The following FCHSD1 variants were observed in gnomAD, a reference collection of about 807,000 sequenced individuals.
The protein encoded by FCHSD1 is F-BAR and double SH3 domains protein 1.
FCHSD1 carries 109 observed loss-of-function variants against 101.3 expected under a neutral mutation model. That is an observed-to-expected ratio of 1.08 (90% CI 0.92 to 1.26). The LOEUF is 1.26. FCHSD1 is among the 50% of genes most tolerant of loss of function. FCHSD1 has a pLI of 0.00. For synonymous variants in FCHSD1, 291 were observed against 356.8 expected, an observed-to-expected ratio of 0.82 and a Z score of 2.08; for missense variants, 820 against 895.8, an observed-to-expected ratio of 0.92 and a Z score of 1.08.
In FCHSD1 at chr5:141,647,465, T is replaced by G. The variant is rs1191042489; in HGVS notation, c.761A>C (p.His254Pro). 1.2e-6 allele frequency: 2 copies of G among 1,612,108 alleles called. No individual in the cohort carries two copies. Residue 254 changes from histidine (H) to proline (P), a missense_variant, in exon 9 of 20, where the codon CAC (histidine) becomes CCC (proline). His to Pro is a moderately conservative substitution (Grantham distance 77). Transcript: ENST00000435817. Reference sequence around the variant, plus strand: ...GACCTCTGCGGCTTCCAGCTCAGTGTGGCTCAGGGAGGTCAGGGGGTCCCT... The same window carrying G: ...GACCTCTGCGGCTTCCAGCTCAGTGGGGCTCAGGGAGGTCAGGGGGTCCCT... ...HLRDPLTSLS[H>P]TELEAAEVIL...
chr5:141,646,765 T>C (rs1294853821), intron 10 of FCHSD1, 43 bp from the exon 11 acceptor site: 1 of 1,597,474 alleles, frequency 6.3e-7, no homozygotes, highest in Admixed American at 1.7e-5. Flanking sequence ...CTGAGGCTGC[T>C]CCTTCTCTCC....
Position 141,639,315 on chromosome 5 carries a change from T to C in FCHSD1, c.*2183A>G. Reference sequence around the variant, plus strand: ...ACATATGGTCACTAACATCTTAATATTGAGTTTATTAGATAAAGACAAGAA... The same window carrying C: ...ACATATGGTCACTAACATCTTAATACTGAGTTTATTAGATAAAGACAAGAA... On this transcript the variant is annotated 3_prime_UTR_variant, in exon 20 of 20. Coordinates refer to ENST00000435817, the MANE Select transcript of FCHSD1 (RefSeq NM_033449.3). The surrounding 1 kb of genome is among the most constrained non-coding windows in gnomAD (Gnocchi z 4.4). The C allele has an allele frequency of 3.1e-6, 2 of 650,690 alleles. No homozygotes were observed. The highest frequency in any genetic ancestry group is 5.2e-6 in the Non-Finnish European group (2 of 384,108). The allele number at this position is 650,690 out of a possible 1,614,324, so 40.3% of individuals were successfully genotyped here. A position where few individuals can be genotyped will look rare whatever the true frequency, so the allele number is the denominator to read the frequency against.
chr5:141,647,830 AGT>A, intron 8 of FCHSD1, 136 bp downstream of exon 8: 1 of 1,268,282 alleles, frequency 7.9e-7, no homozygotes, highest in Non-Finnish European at 1.1e-6. Flanking sequence ...GCAGAACCAG[AGT>A]GCATGTATGT....
intron 1 of FCHSD1, 112 bp from the exon 2 acceptor site, chr5:141,651,229 A>C: frequency 6.6e-7 from 1 of 1,512,246 alleles, no homozygotes; most frequent in Non-Finnish European, 9.0e-7. Flanking sequence ...TTCCTCTGTT[A>C]CTTCTGGTTT....
chr5:141,647,994 G>C lies in FCHSD1; in HGVS notation c.679C>G (p.Gln227Glu). Residue 227 changes from glutamine to glutamate, a missense_variant, in exon 8 of 20, where the codon CAG (glutamine) becomes GAG (glutamate). Physicochemically the swap from Gln to Glu is conservative, Grantham distance 29. Transcript: ENST00000435817. ...TTGAGCAGAGCTGGCAGTTCCTCCTGGTAGTAATGGTCGAGGTGGGCATTG... is the reference window on the plus strand; with the variant it reads ...TTGAGCAGAGCTGGCAGTTCCTCCTCGTAGTAATGGTCGAGGTGGGCATTG... ...ATNAHLDHYY[Q>E]EELPALLKAL... 6.2e-7 allele frequency: 1 copy of C among 1,613,282 alleles called. No homozygotes were observed. Among genetic ancestry groups the C allele is most frequent in the Non-Finnish European group, 8.5e-7 (1 of 1,179,606 alleles).
At chr5:141,647,855 C>T (rs1170428977) in intron 8 of FCHSD1, 113 bp downstream of exon 8, 2 of 1,450,616 alleles carry the variant, frequency 1.4e-6, no homozygotes, top group South Asian at 2.6e-5. Context: ...CATCTACTCA[C>T]TCTAAACAGA....
At chr5:141,646,409 G>C in intron 11 of FCHSD1, 194 bp downstream of exon 11, 1 of 1,014,208 alleles carries the variant, frequency 9.9e-7, no homozygotes, top group African/African-American at 1.6e-5. Context: ...GGAAGCAACA[G>C]AAGAGAATTT....
Position 141,640,334 on chromosome 5 carries a change from T to C in FCHSD1, c.*1164A>G. 1 of 1,614,020 alleles carries C rather than the reference T, an allele frequency of 6.2e-7. No homozygotes were observed. The highest frequency in any genetic ancestry group is 8.5e-7 in the Non-Finnish European group (1 of 1,179,930). ...GCCGGGACTGCACTGGGCTGGGCTCTTATTGCTCTCTACTCTGGGGGGCAC... is the reference window on the plus strand; with the variant it reads ...GCCGGGACTGCACTGGGCTGGGCTCCTATTGCTCTCTACTCTGGGGGGCAC... On this transcript the variant is annotated 3_prime_UTR_variant, in exon 20 of 20. Coordinates refer to ENST00000435817, the MANE Select transcript of FCHSD1 (RefSeq NM_033449.3).
At position 141,640,270 on chromosome 5, in the gene FCHSD1, G is replaced by C. The variant is rs774311343; in HGVS notation, c.*1228C>G. 8.1e-6 allele frequency: 13 copies of C among 1,613,850 alleles called. No homozygotes were observed. The highest frequency in any genetic ancestry group is 1.3e-5 in the African/African-American group (1 of 74,914). On this transcript the variant is annotated 3_prime_UTR_variant, in exon 20 of 20. Coordinates refer to ENST00000435817, the MANE Select transcript of FCHSD1 (RefSeq NM_033449.3). ...ACTCAAGAGGCAAATGGGCAGCCAA[G>C]CAAACCAGACACTTCTGATCACCAG...
At position 141,644,650 on chromosome 5, in the gene FCHSD1, C is replaced by T. The variant is rs558644593; in HGVS notation, c.1565G>A (p.Arg522Gln). ...GGAGAGGTCCGGGAAGTTGAGATAT[C>T]GCTCAGGGACAAAGCCTACCTCGCC... Reference protein sequence around the residue: ...QHGEVGFVPERYLNFPDLSLP... With the variant: ...QHGEVGFVPEQYLNFPDLSLP... Residue 522 changes from arginine (R) to glutamine (Q), a missense_variant, in exon 16 of 20, where the codon CGA (arginine) becomes CAA (glutamine). Physicochemically the swap from Arg to Gln is conservative, Grantham distance 43. Coordinates refer to ENST00000435817, the MANE Select transcript of FCHSD1 (RefSeq NM_033449.3). 37 of 1,613,930 alleles carry T rather than the reference C, an allele frequency of 2.3e-5. No individual in the cohort carries two copies. In the African/African-American group the frequency reaches 3.7e-4, roughly 16 times the overall value.
intron 13 of FCHSD1, 119 bp downstream of exon 13, chr5:141,645,652 A>G (rs2099907558): frequency 8.2e-7 from 1 of 1,218,330 alleles, no homozygotes. Context: ...GATTTCACTT[A>G]AGCCTCGTAA....
At position 141,644,271 on chromosome 5, in the gene FCHSD1, C is replaced by T. The variant is rs2099907378; in HGVS notation, c.1810G>A (p.Val604Met). 6.2e-7 allele frequency: 1 copy of T among 1,613,460 alleles called. No individual in the cohort carries two copies. The highest frequency in any genetic ancestry group is 8.5e-7 in the Non-Finnish European group (1 of 1,179,714). The change falls in exon 17 of 20, where the codon GTG becomes ATG. Residue 604 changes from valine (V) to methionine (M), a missense_variant. Coordinates refer to ENST00000435817, the MANE Select transcript of FCHSD1 (RefSeq NM_033449.3). The part of the protein sequence containing the change: ...GRVGVFPSLL[V>M]EELLGPPGPP... ...CCTGGGGGGCCAAGCAGCTCTTCCA[C>T]CAGCAGGGAGGGGAAGACCCCAACA...
intron 8 of FCHSD1, 168 bp from the exon 9 acceptor site, chr5:141,647,688 C>T (rs1038365810): frequency 1.0e-5 from 11 of 1,097,106 alleles, no homozygotes; most frequent in Middle Eastern, 2.1e-4. Context: ...GTTTAAAACA[C>T]GTTCACATCC....
Position 141,640,909 on chromosome 5 carries a change from T to G in FCHSD1, c.*589A>C, listed in dbSNP as rs1398644896. On this transcript the variant is annotated 3_prime_UTR_variant, in exon 20 of 20. Coordinates refer to ENST00000435817, the MANE Select transcript of FCHSD1 (RefSeq NM_033449.3). Reference sequence around the variant, plus strand: ...GCCTTCCCCAACACCTCGCTCCATATGATAGAGCGTGGCAGCTGGGAGCAG... The same window carrying G: ...GCCTTCCCCAACACCTCGCTCCATAGGATAGAGCGTGGCAGCTGGGAGCAG... 2 of 552,770 alleles carry G rather than the reference T, an allele frequency of 3.6e-6. No individual in the cohort carries two copies. The highest frequency in any genetic ancestry group is 6.4e-6 in the Non-Finnish European group (2 of 313,204). 34.2% of individuals were successfully genotyped at this position (552,770 alleles called of 1,614,324 possible). A position where few individuals can be genotyped will look rare whatever the true frequency, so the allele number is the denominator to read the frequency against.
At chr5:141,648,549 C>G (rs971089198) in intron 7 of FCHSD1, among the ~76,000 whole-genome samples, 1 of 152,184 alleles carries the variant, frequency 6.6e-6, no homozygotes. Context: ...TTCAGAGAGG[C>G]CTCCCTCTAA....
rs754021283 is a variant in FCHSD1, at chr5:141,645,103, C to T, written c.1357G>A (p.Gly453Arg). The T allele has an allele frequency of 6.3e-7, 1 of 1,579,024 alleles. No homozygotes were observed. The highest frequency in any genetic ancestry group is 1.3e-5 in the African/African-American group (1 of 74,132). The change falls in exon 14 of 20, where the codon GGA (glycine) becomes AGA (arginine). Residue 453 changes from glycine (G) to arginine (R), a missense_variant. Physicochemically the swap from Gly to Arg is moderately radical, Grantham distance 125 (BLOSUM62 -2). Transcript: ENST00000435817. ...LSDFEECEET[G>R]ELFEEPAPQA... ...GGGGCAGGCTCCTCAAAGAGCTCTC[C>T]CGTCTCCTCACATTCCTCAAAGTCA...
chr5:141,643,675 C>T (rs1457991426), intron 17 of FCHSD1, among the ~76,000 whole-genome samples: 3 of 152,024 alleles, frequency 2.0e-5, no homozygotes, highest in African/African-American at 7.2e-5. Context: ...ATGGAGAAAC[C>T]CTGTATCTAC....
chr5:141,651,186 T>C lies in FCHSD1; in HGVS notation c.22-69A>G, dbSNP rs1267546197. 3 of 1,496,920 alleles carry C rather than the reference T, an allele frequency of 2.0e-6. No homozygotes were observed. In the East Asian group the frequency reaches 7.4e-5, roughly 37 times the overall value. The allele number at this position is 1,496,920 out of a possible 1,614,324, so 92.7% of individuals were successfully genotyped here. A position where few individuals can be genotyped will look rare whatever the true frequency, so the allele number is the denominator to read the frequency against. On this transcript the variant is annotated intron_variant, in intron 1 of 19. Transcript: ENST00000435817. ...AAAAAACACTCCGCGCAGGGAGCGG[T>C]GAGGGGGCGGGGCCGGGGGGGTGCT...
intron 18 of FCHSD1, chr5:141,642,797 G>C: frequency 1.8e-6 from 1 of 569,520 alleles, no homozygotes; most frequent in Non-Finnish European, 3.1e-6. Flanking sequence ...CTGAGGCCAA[G>C]ACAGGTTCAG....
Sources: gnomAD v4.1 joint callset for allele counts (sites outside exome capture counted in the v4.1 genomes callset) on GRCh38, gnomAD v4.1.1 for gene constraint, Gnocchi (gnomAD v3.1) non-coding constraint, MANE v1.5 for transcripts, NCBI Gene and HGNC (gene_info 2026-07-23, HGNC 2026-07-21) for gene names.